RBFOX1: variants seen among roughly 807,000 people sequenced by gnomAD.
RBFOX1 encodes RNA binding protein fox-1 homolog 1.
RBFOX1 carries 8 observed loss-of-function variants against 57.7 expected under a neutral mutation model. The observed-to-expected ratio is 0.14, with a 90% confidence interval of 0.08 to 0.25. The LOEUF (loss-of-function observed/expected upper bound fraction) is 0.25. Ranked by LOEUF, RBFOX1 falls within the 10% of genes least tolerant of loss-of-function variation. The pLI is 1.00. For synonymous variants in RBFOX1, 326 were observed against 222.4 expected, an observed-to-expected ratio of 1.47 and a Z score of -4.15; for missense variants, 611 against 548.5, an observed-to-expected ratio of 1.11 and a Z score of -1.14.
At chr16:6,857,837 T>C (rs1383658534) in intron 3 of RBFOX1, among the ~76,000 whole-genome samples, 2 of 152,180 alleles carry the variant, frequency 1.3e-5, no homozygotes, top group African/African-American at 4.8e-5. Flanking sequence ...TTATAGTGTG[T>C]TTGTAGCTCT....
chr16:6,551,915 C>G (rs574971352), intron 2 of RBFOX1, among the ~76,000 whole-genome samples: 2 of 152,296 alleles, frequency 1.3e-5, no homozygotes, highest in South Asian at 2.1e-4. Context: ...AGGATCCAGT[C>G]TACTCTTTAA....
chr16:6,344,407 C>CTTT lies in RBFOX1; in HGVS notation c.-64+27360_-64+27362dup, dbSNP rs60637926. Reference sequence around the variant, plus strand: ...TCTCTTCTTCTTTTTTCTTTTTTTTCTTTTTTTTTTTTGAGACAGAGTCTC... The same window carrying CTTT: ...TCTCTTCTTCTTTTTTCTTTTTTTTCTTTTTTTTTTTTTTTGAGACAGAGTCTC... On this transcript the variant is annotated intron_variant, in intron 2 of 15. Transcript: ENST00000550418. Among the ~76,000 whole-genome samples the CTTT allele has an allele frequency of 3.1e-4, 34 of 109,842 alleles. 3 individuals are homozygous for CTTT. The highest frequency in any genetic ancestry group is 5.1e-4 in the Non-Finnish European group (30 of 59,142). The allele number at this position is 109,842 out of a possible 152,430, so 72.1% of individuals were successfully genotyped here.
intron 5 of RBFOX1, among the ~76,000 whole-genome samples, chr16:7,578,841 GC>G (rs2093532609): frequency 6.6e-6 from 1 of 152,180 alleles, no homozygotes; most frequent in African/African-American, 2.4e-5. Flanking sequence ...TATGGCAGTG[GC>G]TATAATGATA....
intron 3 of RBFOX1, among the ~76,000 whole-genome samples, chr16:5,606,446 C>T (rs567424300): frequency 2.0e-5 from 3 of 152,174 alleles, no homozygotes; most frequent in South Asian, 4.2e-4. Flanking sequence ...GCCCTCCACC[C>T]TCATTCCTCC....
rs1466798310 is a variant in RBFOX1, at chr16:7,596,147, A to C, written c.561+506A>C. On this transcript the variant is annotated intron_variant, in intron 8 of 15. Coordinates refer to ENST00000550418, the MANE Select transcript of RBFOX1 (RefSeq NM_018723.4). ...TGTGGAAAAAAAAACAAAAAAAAAA[A>C]CGAGAGGTTTTTACTAAACCTCTCG... Among the ~76,000 whole-genome samples the C allele has an allele frequency of 1.1e-4, 7 of 64,710 alleles. No homozygotes were observed. In the South Asian group the frequency reaches 3.9e-3, roughly 36 times the overall value. 42.5% of individuals were successfully genotyped at this position (64,710 alleles called of 152,430 possible).
chr16:5,601,534 C>G (rs2151209669), downstream of RBFOX1: 1 of 152,286 alleles, frequency 6.6e-6, no homozygotes, highest in South Asian at 2.1e-4. Context: ...GGGAGCATAC[C>G]ATACAAGGGC....
chr16:7,157,702 C>T (rs1456127585), intron 4 of RBFOX1, among the ~76,000 whole-genome samples: 5 of 152,260 alleles, frequency 3.3e-5, no homozygotes, highest in South Asian at 2.1e-4. Context: ...TGCAGTCCCA[C>T]GCATCACCTC....
Position 6,020,701 on chromosome 16 carries a change from G to A in RBFOX1, c.-127+709G>A, listed in dbSNP as rs186819392. 8.9e-3 allele frequency among the ~76,000 whole-genome samples: 981 copies of A among 110,158 alleles called. 18 individuals carry two copies. The highest frequency in any genetic ancestry group is 0.035 in the African/African-American group (912 of 26,428). The allele number at this position is 110,158 out of a possible 152,430, so 72.3% of individuals were successfully genotyped here. The stretch of plus-strand genomic sequence containing the variant: ...AGCCCTGTGTTGTTGTGCAGGCCAG[G>A]GGGGGGCTTGTCAGCTCCAATCAAC... On this transcript the variant is annotated intron_variant, in intron 1 of 15. Transcript: ENST00000550418.
intron 1 of RBFOX1, among the ~76,000 whole-genome samples, chr16:6,105,084 G>C (rs1314299802): frequency 6.6e-6 from 1 of 152,148 alleles, no homozygotes; most frequent in African/African-American, 2.4e-5. Flanking sequence ...CCAAGAAGGA[G>C]ATGGTGACTT....
At chr16:5,795,328 A>G (rs2054841314) in intron 3 of RBFOX1, among the ~76,000 whole-genome samples, 1 of 151,506 alleles carries the variant, frequency 6.6e-6, no homozygotes, top group Admixed American at 6.6e-5. Flanking sequence ...TCTTGAAACA[A>G]GGTCTTACTC....
chr16:5,867,335 G>C (rs912202329), exon 4 of RBFOX1: 15 of 1,205,330 alleles, frequency 1.2e-5, no homozygotes, highest in Non-Finnish European at 1.6e-5. Context: ...GCAAAGCTGA[G>C]GTAGGAAACG....
chr16:7,696,127 T>G (rs1165782510), intron 14 of RBFOX1, among the ~76,000 whole-genome samples: 8 of 152,230 alleles, frequency 5.3e-5, no homozygotes, highest in Admixed American at 5.2e-4. Flanking sequence ...TAGGCATTTT[T>G]CATTAACATT....
chr16:5,919,399 A>G (rs117895078), intron 4 of RBFOX1, among the ~76,000 whole-genome samples: 1,815 of 151,940 alleles, frequency 0.012, 15 homozygotes, highest in Middle Eastern at 0.02. Context: ...CTGGAGTGCA[A>G]TGGTGCAATC....
At chr16:5,358,781 C>T (rs912129876) in intron 1 of RBFOX1, among the ~76,000 whole-genome samples, 6 of 152,156 alleles carry the variant, frequency 3.9e-5, no homozygotes, top group African/African-American at 1.4e-4. Flanking sequence ...GAGCCGAGAT[C>T]GCGCCATTGC....
intron 2 of RBFOX1, among the ~76,000 whole-genome samples, chr16:6,642,470 C>G (rs1163557582): frequency 2.6e-5 from 4 of 151,994 alleles, no homozygotes; most frequent in Non-Finnish European, 5.9e-5. Flanking sequence ...GTTCTCGGTA[C>G]TATGTTTAAT....
At chr16:5,365,447 C>T (rs1481125405) in intron 1 of RBFOX1, among the ~76,000 whole-genome samples, 1 of 152,150 alleles carries the variant, frequency 6.6e-6, no homozygotes, top group African/African-American at 2.4e-5. Context: ...GTGGGAGGAA[C>T]ACATGAGGCC....
chr16:7,449,023 G>A (rs1467979838), intron 4 of RBFOX1, among the ~76,000 whole-genome samples: 2 of 125,646 alleles, frequency 1.6e-5, no homozygotes, highest in East Asian at 5.5e-4. Flanking sequence ...TCCACCTCCC[G>A]GGTTCAAACG....
chr16:5,989,378 C>T (rs1341166964), intron 4 of RBFOX1, among the ~76,000 whole-genome samples: 1 of 152,114 alleles, frequency 6.6e-6, no homozygotes, highest in East Asian at 1.9e-4. Context: ...AACTTAATTA[C>T]AGGGGGTTTC....
intron 4 of RBFOX1, among the ~76,000 whole-genome samples, chr16:5,931,882 A>T (rs78948008): frequency 0.044 from 6,670 of 152,206 alleles, 226 homozygotes; most frequent in Non-Finnish European, 0.066. Flanking sequence ...GTCCTAACTC[A>T]CTGCAGCCTT....
Sources: gnomAD v4.1 joint callset for allele counts (sites outside exome capture counted in the v4.1 genomes callset) on GRCh38, gnomAD v4.1.1 for gene constraint, MANE v1.5 for transcripts, NCBI Gene and HGNC (gene_info 2026-07-23, HGNC 2026-07-21) for gene names.